The following ESRRB variants were observed in gnomAD, a reference collection of about 807,000 sequenced individuals.
The protein encoded by ESRRB is steroid hormone receptor ERR2.
ESRRB carries 16 observed loss-of-function variants against 46.0 expected under a neutral mutation model. That is an observed-to-expected ratio of 0.35 (90% confidence interval 0.24 to 0.53). The LOEUF is 0.53. Ranked by LOEUF, ESRRB falls within the 20% of genes least tolerant of loss-of-function variation. The pLI is 0.93. For missense variants in ESRRB, 488 were observed against 607.4 expected (o/e 0.80, Z 2.07); for synonymous variants, 246 against 259.6 (o/e 0.95, Z 0.50).
intron 1 of ESRRB, among the ~76,000 whole-genome samples, chr14:76,364,773 G>A (rs1438152323): frequency 6.6e-6 from 1 of 152,074 alleles, no homozygotes; most frequent in African/African-American, 2.4e-5. Flanking sequence ...TTGGGGGCAG[G>A]AAGAGACAAA....
intron 1 of ESRRB, among the ~76,000 whole-genome samples, chr14:76,425,444 G>T (rs929327577): frequency 2.0e-5 from 3 of 152,068 alleles, no homozygotes; most frequent in African/African-American, 7.2e-5. Flanking sequence ...GGGTGGGTTG[G>T]ATGCCCTTTG....
In ESRRB at chr14:76,439,325, C is replaced by G. The variant is rs1887810111; in HGVS notation, c.51-16C>G. On this transcript the variant is annotated splice_polypyrimidine_tract_variant and intron_variant, in intron 1 of 6. Coordinates refer to ENST00000644823, the MANE Select transcript of ESRRB (RefSeq NM_001379180.1). ...CAGCACCTTGCTGGGGCTGACTTCCCGATTTGTGTCCACAGGCTGCTGAAC... is the reference window on the plus strand; with the variant it reads ...CAGCACCTTGCTGGGGCTGACTTCCGGATTTGTGTCCACAGGCTGCTGAAC... The G allele has an allele frequency of 1.9e-6, 3 of 1,613,628 alleles. No homozygotes were observed. In the African/African-American group the frequency reaches 4.0e-5, roughly 21 times the overall value.
intron 1 of ESRRB, among the ~76,000 whole-genome samples, chr14:76,435,604 C>T (rs1421654440): frequency 5.9e-5 from 9 of 152,172 alleles, no homozygotes; most frequent in Non-Finnish European, 1.3e-4. Context: ...CCAAGGCAGG[C>T]GGATCACCTG....
Position 76,482,095 on chromosome 14 carries a change from C to T in ESRRB, c.657C>T (p.Ser219=), listed in dbSNP as rs1244464831. 4 of 1,614,088 alleles carry T rather than the reference C, an allele frequency of 2.5e-6. No homozygotes were observed. The highest frequency in any genetic ancestry group is 3.3e-5 in the Admixed American group (2 of 60,012). The change falls in exon 4 of 7, where the codon AGC becomes AGT. Residue 219 remains serine, a synonymous_variant. Coordinates refer to ENST00000644823, the MANE Select transcript of ESRRB (RefSeq NM_001379180.1). The surrounding 1 kb of genome is among the most constrained non-coding windows in gnomAD (Gnocchi z 4.3). ...RLDSESSPYL[S]LQISPPAKKP... ...ACTCAGAGAGCAGCCCATACCTGAG[C>T]TTACAAATTTCTCCACCTGCTAAAA...
rs571269701 is a variant in ESRRB at position 76,498,584 on chromosome 14, G to A, written c.*126G>A. 9.3e-4 allele frequency: 1,436 copies of A among 1,541,878 alleles called. 15 individuals carry two copies. In the African/African-American group the frequency reaches 0.017, roughly 18 times the overall value. Reference sequence around the variant, plus strand: ...CATGGCTCTGAGCTGTCCCAGAGGCGGGGGTTTCTCACCTCCTGGCTGTGT... The same window carrying A: ...CATGGCTCTGAGCTGTCCCAGAGGCAGGGGTTTCTCACCTCCTGGCTGTGT... On this transcript the variant is annotated 3_prime_UTR_variant, in exon 7 of 7. Transcript: ENST00000644823.
chr14:76,363,619 C>T (rs897406592), intron 1 of ESRRB, among the ~76,000 whole-genome samples: 25 of 152,210 alleles, frequency 1.6e-4, no homozygotes, highest in Non-Finnish European at 3.2e-4. Flanking sequence ...GGAATGGACA[C>T]GTCTTTCTAA....
chr14:76,348,180 C>T (rs1274597501), intron 1 of ESRRB, among the ~76,000 whole-genome samples: 2 of 152,088 alleles, frequency 1.3e-5, no homozygotes, highest in Non-Finnish European at 2.9e-5. Flanking sequence ...CTGGTAAAAT[C>T]ATCATTAAAA....
intron 2 of ESRRB, among the ~76,000 whole-genome samples, chr14:76,454,459 G>A (rs745679675): frequency 6.6e-6 from 1 of 152,112 alleles, no homozygotes; most frequent in Non-Finnish European, 1.5e-5. Context: ...CGAGAAACAT[G>A]CGAGCCTATC....
At chr14:76,328,823 C>T (rs1293256415) in intron 1 of ESRRB, among the ~76,000 whole-genome samples, 2 of 152,156 alleles carry the variant, frequency 1.3e-5, no homozygotes, top group Non-Finnish European at 1.5e-5. Flanking sequence ...GCCCCTGAGT[C>T]CCAGTTATGC....
chr14:76,439,286 G>T, intron 1 of ESRRB, 55 bp from the exon 2 acceptor site: 1 of 1,209,472 alleles, frequency 8.3e-7, no homozygotes, highest in Non-Finnish European at 1.2e-6. Context: ...GGCTGGACCC[G>T]CCCACCACAC....
At chr14:76,333,052 A>ATT (rs1566853689) in intron 1 of ESRRB, among the ~76,000 whole-genome samples, 122 of 7,402 alleles carry the variant, frequency 0.016, 7 homozygotes, top group Non-Finnish European at 0.025. Context: ...ATTATATATT[A>ATT]TATATTATAT....
At chr14:76,360,824 T>C (rs545286346) in intron 1 of ESRRB, among the ~76,000 whole-genome samples, 1 of 152,288 alleles carries the variant, frequency 6.6e-6, no homozygotes, top group East Asian at 1.9e-4. Flanking sequence ...GCTCCAAGTC[T>C]GCACACACCT....
rs142029415 is a variant in ESRRB at position 76,498,158 on chromosome 14, C to T, written c.1121-56C>T. 7.1e-4 allele frequency: 1,148 copies of T among 1,610,522 alleles called. 12 individuals carry two copies. In the African/African-American group the frequency reaches 0.014, roughly 19 times the overall value. On this transcript the variant is annotated intron_variant, in intron 6 of 6. Transcript: ENST00000644823. The stretch of plus-strand genomic sequence containing the variant: ...GCCTCCTGGACCCCAAGATGGCCCC[C>T]ACACCAGGCAGCACTCCCTGGCCAA...
chr14:76,352,227 C>T (rs1011640925), intron 1 of ESRRB, among the ~76,000 whole-genome samples: 1 of 152,142 alleles, frequency 6.6e-6, no homozygotes, highest in Non-Finnish European at 1.5e-5. Context: ...AACAAGTACA[C>T]GTAATTTACA....
chr14:76,326,421 GAGTT>G (rs1883930735), intron 1 of ESRRB, among the ~76,000 whole-genome samples: 1 of 152,136 alleles, frequency 6.6e-6, no homozygotes, highest in Admixed American at 6.6e-5. Flanking sequence ...GATCCCTGGC[GAGTT>G]AATCTGCCTC....
At chr14:76,411,352 G>T (rs943179760) in intron 1 of ESRRB, among the ~76,000 whole-genome samples, 2 of 152,032 alleles carry the variant, frequency 1.3e-5, no homozygotes, top group Non-Finnish European at 2.9e-5. Context: ...GGAGGCCGAG[G>T]CAGGAGAATC....
intron 1 of ESRRB, among the ~76,000 whole-genome samples, chr14:76,378,182 GA>G (rs1267298550): frequency 6.6e-6 from 1 of 152,174 alleles, no homozygotes; most frequent in Non-Finnish European, 1.5e-5. Context: ...AGTTGAGCAC[GA>G]AATACTTATG....
At chr14:76,351,954 G>C (rs10438169) in intron 1 of ESRRB, among the ~76,000 whole-genome samples, 68,446 of 144,128 alleles carry the variant, frequency 0.47, 16,218 homozygotes, top group African/African-American at 0.49. Context: ...TACTGCACTC[G>C]AGCCTGGGAG....
chr14:76,333,073 ATATATATTATTTATAT>A, intron 1 of ESRRB, among the ~76,000 whole-genome samples: 1 of 6,622 alleles, frequency 1.5e-4, no homozygotes, highest in Admixed American at 4.1e-3. Flanking sequence ...ATTATATATT[ATATATATTATTTATAT>A]TATATATTAT....
Sources: allele counts gnomAD v4.1 joint callset (sites outside exome capture counted in the v4.1 genomes callset), GRCh38; gene constraint gnomAD v4.1.1; non-coding constraint Gnocchi (gnomAD v3.1); transcripts MANE v1.5; gene names NCBI Gene and HGNC (gene_info 2026-07-23, HGNC 2026-07-21).